The following CREB1 variants were observed in gnomAD, a reference collection of about 807,000 sequenced individuals.
The protein encoded by CREB1 is cyclic AMP-responsive element-binding protein 1.
A neutral mutation model predicts 42.0 loss-of-function variants in CREB1; 2 were observed. The observed-to-expected ratio is 0.05, with a 90% CI of 0.02 to 0.15. The LOEUF is 0.15. Ranked by LOEUF, CREB1 falls within the 10% of genes least tolerant of loss-of-function variation. The pLI, the probability that CREB1 is intolerant of heterozygous loss-of-function variation, is 1.00. For missense variants in CREB1, 199 were observed against 388.9 expected (o/e 0.51, Z 4.11); for synonymous variants, 123 against 139.9 (o/e 0.88, Z 0.85).
intron 7 of CREB1, among the ~76,000 whole-genome samples, chr2:207,588,754 T>TG (rs2084389254): frequency 7.2e-6 from 1 of 138,264 alleles, no homozygotes; most frequent in Non-Finnish European, 1.5e-5. Flanking sequence ...TGTGTGGGGG[T>TG]GGGGGGACAT....
intron 6 of CREB1, among the ~76,000 whole-genome samples, chr2:207,575,934 T>TTGG: frequency 7.0e-5 from 1 of 14,206 alleles, no homozygotes; most frequent in African/African-American, 1.6e-4. Flanking sequence ...TTTCTCTGCT[T>TTGG]CCCCCCCCCC....
chr2:207,534,360 C>T (rs1369000422), intron 1 of CREB1, among the ~76,000 whole-genome samples: 1 of 152,200 alleles, frequency 6.6e-6, no homozygotes, highest in East Asian at 1.9e-4. Flanking sequence ...CCTCAGCCTC[C>T]CTAGTAGCTG....
chr2:207,558,448 A>G (rs2081820597), intron 2 of CREB1, among the ~76,000 whole-genome samples: 1 of 152,072 alleles, frequency 6.6e-6, no homozygotes, highest in African/African-American at 2.4e-5. Context: ...TCTTTTAACT[A>G]TTCATAAAGC....
In CREB1 at chr2:207,601,505, T is replaced by G; in HGVS notation, c.*4447T>G. The G allele has an allele frequency of 5.1e-6, 1 of 194,782 alleles. No homozygotes were observed. The allele number at this position is 194,782 out of a possible 1,614,324, so 12.1% of individuals were successfully genotyped here. A position where few individuals can be genotyped will look rare whatever the true frequency, so the allele number is the denominator to read the frequency against. Reference sequence around the variant, plus strand: ...GGGCTCAAACCTTGTTTTATTCTTTTTCATCTTGGATGAAGATTGAAGGGA... The same window carrying G: ...GGGCTCAAACCTTGTTTTATTCTTTGTCATCTTGGATGAAGATTGAAGGGA... On this transcript the variant is annotated 3_prime_UTR_variant, in exon 8 of 8. Coordinates refer to ENST00000353267, the MANE Select transcript of CREB1 (RefSeq NM_004379.5).
At chr2:207,530,268 C>CCGAGCCCCACAACATCGCCGCCGCT (rs1403135115) in intron 1 of CREB1, 134 bp downstream of exon 1, 45 of 152,174 alleles carry the variant, frequency 3.0e-4, no homozygotes, top group Non-Finnish European at 5.3e-4. Context: ...GAGCCTCCGC[C>CCGAGCCCCACAACATCGCCGCCGCT]CGAGCCCCAC....
At chr2:207,542,269 A>C (rs915179322) in intron 1 of CREB1, among the ~76,000 whole-genome samples, 1 of 152,090 alleles carries the variant, frequency 6.6e-6, no homozygotes, top group African/African-American at 2.4e-5. Context: ...TTAGGGTTCA[A>C]ATTTTCCCCC....
At position 207,605,046 on chromosome 2, in the gene CREB1, G is replaced by T. The variant is rs1033710213; in HGVS notation, c.*7988G>T. On this transcript the variant is annotated 3_prime_UTR_variant, in exon 8 of 8. Coordinates refer to ENST00000353267, the MANE Select transcript of CREB1 (RefSeq NM_004379.5). ...TGCTGTTATGAATGTTCGTGTACAA[G>T]TATTTGAGTCCGTGTTTTCAATTAT... 2.0e-5 allele frequency among the ~76,000 whole-genome samples: 3 copies of T among 152,180 alleles called. No individual in the cohort carries two copies. Among genetic ancestry groups the T allele is most frequent in the Admixed American group, 2.0e-4 (3 of 15,290 alleles).
chr2:207,577,960 T>C (rs1198054367), intron 7 of CREB1: 1 of 370,326 alleles, frequency 2.7e-6, no homozygotes, highest in Admixed American at 4.0e-5. Flanking sequence ...TTAAAAATGG[T>C]TTCTTTTCAT....
rs1475435671 is a variant in CREB1, at chr2:207,603,025, C to T, written c.*5967C>T. On this transcript the variant is annotated 3_prime_UTR_variant, in exon 8 of 8. Transcript: ENST00000353267. ...AGGGTTGGGGTAAAGAAGACTTCCCCCACAACTGTCAGCACAAAACAGGGT... is the reference window on the plus strand; with the variant it reads ...AGGGTTGGGGTAAAGAAGACTTCCCTCACAACTGTCAGCACAAAACAGGGT... 4.7e-6 allele frequency: 1 copy of T among 213,894 alleles called. No individual in the cohort carries two copies. The highest frequency in any genetic ancestry group is 9.4e-6 in the Non-Finnish European group (1 of 105,918). The allele number at this position is 213,894 out of a possible 1,614,324, so 13.2% of individuals were successfully genotyped here.
rs1208049132 is a variant in CREB1, at chr2:207,602,731, G to A, written c.*5673G>A. 9 of 210,764 alleles carry A rather than the reference G, an allele frequency of 4.3e-5. No individual in the cohort carries two copies. Among genetic ancestry groups the A allele is most frequent in the Non-Finnish European group, 8.7e-5 (9 of 103,964 alleles). The allele number at this position is 210,764 out of a possible 1,614,324, so 13.1% of individuals were successfully genotyped here. A position where few individuals can be genotyped will look rare whatever the true frequency, so the allele number is the denominator to read the frequency against. ...TTTTATCCAAGTGCCACTCCAATTT[G>A]TGTATGTAATAAAATTATTTATATT... is the stretch of plus-strand genomic sequence containing the variant. On this transcript the variant is annotated 3_prime_UTR_variant, in exon 8 of 8. Transcript: ENST00000353267.
intron 6 of CREB1, 53 bp downstream of exon 6, chr2:207,575,507 T>G: frequency 6.9e-7 from 1 of 1,456,502 alleles, no homozygotes; most frequent in Admixed American, 1.9e-5. Flanking sequence ...ATACTAAAAT[T>G]TTATAAACTC....
Position 207,570,084 on chromosome 2 carries a change from A to T in CREB1, c.363-95A>T, listed in dbSNP as rs188315570. On this transcript the variant is annotated intron_variant, in intron 4 of 7. Coordinates refer to ENST00000353267, the MANE Select transcript of CREB1 (RefSeq NM_004379.5). ...AAAACCTTCTGTCCTAAGCACTAGC[A>T]GCTTTCTGTGAGTTTTCTCATCTTT... 2.7e-5 allele frequency: 20 copies of T among 733,418 alleles called. No individual in the cohort carries two copies. In the Admixed American group the frequency reaches 5.9e-4, roughly 22 times the overall value. 45.4% of individuals were successfully genotyped at this position (733,418 alleles called of 1,614,324 possible). A position where few individuals can be genotyped will look rare whatever the true frequency, so the allele number is the denominator to read the frequency against.
rs765778599 is a variant in CREB1, at chr2:207,596,894, C to T, written c.840-20C>T. 2.5e-6 allele frequency: 4 copies of T among 1,586,962 alleles called. No homozygotes were observed. The South Asian group carries it at 4.7e-5, about 19-fold the overall frequency. On this transcript the variant is annotated intron_variant, in intron 7 of 7. Coordinates refer to ENST00000353267, the MANE Select transcript of CREB1 (RefSeq NM_004379.5). Reference sequence around the variant, plus strand: ...GTGGAAATCATTTGCATAATTTTTCCCGTCCTCTTTTGCTTGTAGGGAAGC... The same window carrying T: ...GTGGAAATCATTTGCATAATTTTTCTCGTCCTCTTTTGCTTGTAGGGAAGC...
intron 7 of CREB1, among the ~76,000 whole-genome samples, chr2:207,586,689 G>A (rs1182241641): frequency 6.6e-6 from 1 of 152,094 alleles, no homozygotes; most frequent in African/African-American, 2.4e-5. Flanking sequence ...GATATATAAG[G>A]AACTCAACCG....
chr2:207,592,348 A>G (rs1297893130), intron 7 of CREB1, among the ~76,000 whole-genome samples: 3 of 152,160 alleles, frequency 2.0e-5, no homozygotes, highest in African/African-American at 7.2e-5. Context: ...CAGAGGTTGC[A>G]GTAGCCCAGA....
intron 1 of CREB1, among the ~76,000 whole-genome samples, chr2:207,537,743 C>T (rs190008681): frequency 9.2e-4 from 140 of 152,274 alleles, no homozygotes; most frequent in Non-Finnish European, 1.0e-3. Context: ...AATATATACA[C>T]ACTCTTGTCT....
chr2:207,577,355 T>C (rs748102888), intron 6 of CREB1, 150 bp from the exon 7 acceptor site: 163 of 1,135,624 alleles, frequency 1.4e-4, no homozygotes, highest in Non-Finnish European at 1.9e-4. Flanking sequence ...GCGCGAAGAG[T>C]GCTGATTCTT....
chr2:207,550,847 A>G (rs910323576), intron 1 of CREB1, among the ~76,000 whole-genome samples: 1 of 152,124 alleles, frequency 6.6e-6, no homozygotes, highest in Admixed American at 6.6e-5. Context: ...AGAACCTCCA[A>G]CCTTCTTCCC....
rs1471519340 is a variant in CREB1 at position 207,604,786 on chromosome 2, G to T, written c.*7728G>T. 6.6e-6 allele frequency among the ~76,000 whole-genome samples: 1 copy of T among 152,072 alleles called. No homozygotes were observed. The highest frequency in any genetic ancestry group is 2.4e-5 in the African/African-American group (1 of 41,396). ...CCTGGCAACCACCAATCTGCTTCCT[G>T]TTTCTTTGGATTTACATCCGGGTAT... On this transcript the variant is annotated 3_prime_UTR_variant, in exon 8 of 8. Transcript: ENST00000353267.
Sources: allele counts gnomAD v4.1 joint callset (sites outside exome capture counted in the v4.1 genomes callset), GRCh38; gene constraint gnomAD v4.1.1; transcripts MANE v1.5; gene names NCBI Gene and HGNC (gene_info 2026-07-23, HGNC 2026-07-21).